The following NXPE2 variants were observed in gnomAD, a reference collection of about 807,000 sequenced individuals.
NXPE2 encodes the protein NXPE family member 2.
NXPE2 carries 34 observed loss-of-function variants against 34.4 expected under a neutral mutation model. That is an observed-to-expected ratio of 0.99 (90% CI 0.75 to 1.31). The LOEUF (loss-of-function observed/expected upper bound fraction) is 1.31. Ranked by LOEUF, NXPE2 falls within the 40% of genes most tolerant of loss-of-function variation. The pLI is 0.00. For missense variants in NXPE2, 649 were observed against 672.5 expected, an observed-to-expected ratio of 0.97 and a Z score of 0.39; for synonymous variants, 235 against 231.3, an observed-to-expected ratio of 1.02 and a Z score of -0.15.
the NXPE2 span, among the ~76,000 whole-genome samples, chr11:114,572,458 TA>T: frequency 6.6e-6 from 1 of 151,950 alleles, no homozygotes; most frequent in African/African-American, 2.4e-5. Context: ...CAACTTAAAT[TA>T]AAAACATGAT....
the NXPE2 span, among the ~76,000 whole-genome samples, chr11:114,531,722 C>T: frequency 4.6e-5 from 7 of 152,270 alleles, no homozygotes; most frequent in Middle Eastern, 3.4e-3. Context: ...TTGCTCTTTA[C>T]TAATACTTTC....
the NXPE2 span, among the ~76,000 whole-genome samples, chr11:114,633,268 A>G: frequency 1.3e-4 from 18 of 136,136 alleles, no homozygotes; most frequent in Non-Finnish European, 2.6e-4. Context: ...AGAATGTTAT[A>G]TAGTATTATG....
At chr11:114,565,101 T>C in the NXPE2 span, among the ~76,000 whole-genome samples, 1 of 152,224 alleles carries the variant, frequency 6.6e-6, no homozygotes, top group East Asian at 1.9e-4. Flanking sequence ...AGGATTCTCC[T>C]ATTTTAAAGT....
chr11:114,601,602 ATTATAT>A, the NXPE2 span, among the ~76,000 whole-genome samples: 1 of 77,484 alleles, frequency 1.3e-5, no homozygotes, highest in Non-Finnish European at 2.2e-5. Flanking sequence ...ATTATTTATA[ATTATAT>A]ATAATTATAT....
the NXPE2 span, among the ~76,000 whole-genome samples, chr11:114,728,363 A>G: frequency 6.6e-6 from 1 of 152,114 alleles, no homozygotes; most frequent in African/African-American, 2.4e-5. Flanking sequence ...CCACACTAGG[A>G]TCATATAAAT....
the NXPE2 span, among the ~76,000 whole-genome samples, chr11:114,499,475 A>G: frequency 6.6e-6 from 1 of 152,084 alleles, no homozygotes; most frequent in African/African-American, 2.4e-5. Context: ...TTCTGAAAAT[A>G]TTTGTCTCCA....
chr11:114,695,280 G>C (rs141632300), intron 2 of NXPE2, among the ~76,000 whole-genome samples: 1 of 152,122 alleles, frequency 6.6e-6, no homozygotes, highest in Non-Finnish European at 1.5e-5. Flanking sequence ...TATTGAGTTG[G>C]TTGTAAGATG....
chr11:114,646,338 TAATC>T, the NXPE2 span, among the ~76,000 whole-genome samples: 3 of 151,698 alleles, frequency 2.0e-5, no homozygotes, highest in South Asian at 4.1e-4. Flanking sequence ...ATAAATAACT[TAATC>T]AAGTTCTTTT....
the NXPE2 span, among the ~76,000 whole-genome samples, chr11:114,568,478 C>A: frequency 6.8e-6 from 1 of 147,338 alleles, no homozygotes; most frequent in Non-Finnish European, 1.5e-5. Flanking sequence ...CTCCCCCCTC[C>A]CTTTATTTCC....
the NXPE2 span, chr11:114,552,861 G>C: frequency 1.0e-6 from 1 of 976,724 alleles, no homozygotes; most frequent in Non-Finnish European, 1.2e-6. Context: ...CCCAATAGGT[G>C]TCAGGTAGCA....
chr11:114,633,852 T>C, the NXPE2 span, among the ~76,000 whole-genome samples: 1 of 152,082 alleles, frequency 6.6e-6, no homozygotes, highest in Non-Finnish European at 1.5e-5. Context: ...ATTATCTTAA[T>C]CCAGTCTATC....
rs767407333 is a variant in NXPE2 at position 114,706,521 on chromosome 11, C to A, written c.1271C>A (p.Ser424Ter). 2 of 1,551,636 alleles carry A rather than the reference C, an allele frequency of 1.3e-6. No individual in the cohort carries two copies. The highest frequency in any genetic ancestry group is 1.7e-6 in the Non-Finnish European group (2 of 1,146,970). ...CCATTTGTTACCAAAAAATTATTCT[C>A]AGTGAAAGATGAAAACTATATCCCA... ...GHPFVTKKLF[S>*]VKDENYIPRE... The change falls in exon 6 of 6, where the codon TCA (serine) becomes TAA (stop). Residue 424 changes from serine (S) to a stop codon, truncating the protein, a stop_gained. Coordinates refer to ENST00000389586, the MANE Select transcript of NXPE2 (RefSeq NM_182495.6). LOFTEE classifies it low-confidence loss of function (END_TRUNC).
the NXPE2 span, among the ~76,000 whole-genome samples, chr11:114,593,991 G>A: frequency 6.6e-6 from 1 of 152,064 alleles, no homozygotes; most frequent in Admixed American, 6.6e-5. Flanking sequence ...AAGTCATGGA[G>A]TTAGAGAGTA....
the NXPE2 span, among the ~76,000 whole-genome samples, chr11:114,623,560 C>T: frequency 1.3e-5 from 2 of 152,214 alleles, no homozygotes; most frequent in East Asian, 3.9e-4. Flanking sequence ...ATACGTATTG[C>T]CTCATGGGTA....
downstream of NXPE2, among the ~76,000 whole-genome samples, chr11:114,711,351 A>T (rs960310805): frequency 1.3e-5 from 2 of 152,158 alleles, no homozygotes; most frequent in African/African-American, 4.8e-5. Context: ...TTCACAGATG[A>T]CATGATCTTA....
chr11:114,468,283 A>G, the NXPE2 span, among the ~76,000 whole-genome samples: 1 of 152,198 alleles, frequency 6.6e-6, no homozygotes, highest in Non-Finnish European at 1.5e-5. Context: ...GGCTTGGGAC[A>G]GAAAGTGAGC....
At chr11:114,785,403 T>G in the NXPE2 span, among the ~76,000 whole-genome samples, 2 of 152,168 alleles carry the variant, frequency 1.3e-5, no homozygotes, top group African/African-American at 4.8e-5. Flanking sequence ...TCAAACTCAA[T>G]TGTTATCATT....
At chr11:114,471,126 C>G in the NXPE2 span, among the ~76,000 whole-genome samples, 1 of 152,126 alleles carries the variant, frequency 6.6e-6, no homozygotes, top group African/African-American at 2.4e-5. Context: ...AAGAGAATGT[C>G]TTAATTTTCA....
At chr11:114,493,155 A>G in the NXPE2 span, among the ~76,000 whole-genome samples, 1 of 152,144 alleles carries the variant, frequency 6.6e-6, no homozygotes, top group Non-Finnish European at 1.5e-5. Context: ...TTTGGTTTCC[A>G]TTAGCATGAA....
Sources: gnomAD v4.1 joint callset for allele counts (sites outside exome capture counted in the v4.1 genomes callset) on GRCh38, gnomAD v4.1.1 for gene constraint, MANE v1.5 for transcripts, NCBI Gene and HGNC (gene_info 2026-07-23, HGNC 2026-07-21) for gene names.